Variants in C1QTNF1 observed in about 807,000 individuals in gnomAD.
C1QTNF1 encodes complement C1q tumor necrosis factor-related protein 1.
In C1QTNF1, 22 loss-of-function variants were observed where a neutral mutation model predicts 27.8. That is an observed-to-expected ratio of 0.79 (90% CI 0.56 to 1.13). The LOEUF (loss-of-function observed/expected upper bound fraction) is 1.13, where lower values mean the gene tolerates loss of function less well. Ranked by LOEUF, C1QTNF1 falls within the 50% of genes most tolerant of loss-of-function variation. The pLI is 0.00. For synonymous variants in C1QTNF1, 166 were observed against 154.3 expected, an observed-to-expected ratio of 1.08 and a Z score of -0.56; for missense variants, 373 against 380.2, an observed-to-expected ratio of 0.98 and a Z score of 0.16.
intron 2 of C1QTNF1, 77 bp downstream of exon 2, chr17:79,044,200 G>T: frequency 7.0e-7 from 1 of 1,434,032 alleles, no homozygotes; most frequent in South Asian, 1.4e-5. Context: ...GCCCCTGGGG[G>T]AGCTAGTTCA....
rs778107626 is a variant in C1QTNF1 at position 79,043,960 on chromosome 17, G to A, written c.-9G>A. 11 of 1,613,808 alleles carry A rather than the reference G, an allele frequency of 6.8e-6. No individual in the cohort carries two copies. The highest frequency in any genetic ancestry group is 4.0e-5 in the African/African-American group (3 of 74,912). On this transcript the variant is annotated 5_prime_UTR_variant, in exon 2 of 4. Coordinates refer to ENST00000579760, the MANE Select transcript of C1QTNF1 (RefSeq NM_030968.5). ...GTGTGTTTCTTTCCCACCAGGGCCC[G>A]GCAGGAAGATGGGCTCCCGTGGACA...
chr17:79,042,461 G>A (rs920176064), intron 1 of C1QTNF1, among the ~76,000 whole-genome samples: 1 of 152,258 alleles, frequency 6.6e-6, no homozygotes. Context: ...CGTGGGGTTG[G>A]CTTCCTGGAA....
chr17:79,046,968 A>T lies in C1QTNF1; in HGVS notation c.295+274A>T. 2.1e-6 allele frequency: 1 copy of T among 473,878 alleles called. No homozygotes were observed. 29.4% of individuals were successfully genotyped at this position (473,878 alleles called of 1,614,324 possible). On this transcript the variant is annotated intron_variant, in intron 3 of 3. Transcript: ENST00000579760. This position sits in a 1 kb window ranked among gnomAD's most constrained non-coding sequence, Gnocchi z 4.8. ...AGGCTACTCGGGGTCTCGTCCCTCCAGTTGTATGTGGACGCCAGGCTTCTA... is the reference window on the plus strand; with the variant it reads ...AGGCTACTCGGGGTCTCGTCCCTCCTGTTGTATGTGGACGCCAGGCTTCTA...
upstream of C1QTNF1, among the ~76,000 whole-genome samples, chr17:79,023,428 AG>A (rs1168217263): frequency 6.6e-6 from 1 of 152,200 alleles, no homozygotes; most frequent in Non-Finnish European, 1.5e-5. Flanking sequence ...AGCCTGGATC[AG>A]GGATCAGGAT....
At chr17:79,047,496 G>C in intron 3 of C1QTNF1, 42 bp from the exon 4 acceptor site, 1 of 1,506,794 alleles carries the variant, frequency 6.6e-7, no homozygotes, top group South Asian at 1.3e-5. Context: ...GGACACTACC[G>C]GATTGCTCCA....
At chr17:79,027,843 C>G (rs531050864) in intron 1 of C1QTNF1, among the ~76,000 whole-genome samples, 1 of 152,338 alleles carries the variant, frequency 6.6e-6, no homozygotes, top group East Asian at 1.9e-4. Flanking sequence ...CAGAGCTGGG[C>G]TTGGCATCTG....
chr17:79,023,641 A>G (rs1010001992), upstream of C1QTNF1, among the ~76,000 whole-genome samples: 1 of 152,176 alleles, frequency 6.6e-6, no homozygotes, highest in African/African-American at 2.4e-5. Context: ...TTTAGATCAC[A>G]GAGCTCTCAA....
At chr17:79,044,287 G>T (rs2072508971) in intron 2 of C1QTNF1, among the ~76,000 whole-genome samples, 164 bp downstream of exon 2, 1 of 152,166 alleles carries the variant, frequency 6.6e-6, no homozygotes, top group African/African-American at 2.4e-5. Context: ...ACAGACGAGC[G>T]ATTCCTCCTT....
intron 1 of C1QTNF1, among the ~76,000 whole-genome samples, chr17:79,039,365 G>A (rs533800379): frequency 7.8e-4 from 119 of 152,206 alleles, no homozygotes; most frequent in African/African-American, 2.8e-3. Flanking sequence ...ATGGTGCCAG[G>A]GTTGGCTGGC....
At chr17:79,039,816 AATATGTAT>A (rs2072356010) in intron 1 of C1QTNF1, among the ~76,000 whole-genome samples, 1 of 147,272 alleles carries the variant, frequency 6.8e-6, no homozygotes, top group African/African-American at 2.7e-5. Flanking sequence ...TATATATGTA[AATATGTAT>A]ATATGTATAT....
intron 1 of C1QTNF1, 100 bp from the exon 2 acceptor site, chr17:79,043,855 C>A: frequency 7.4e-7 from 1 of 1,352,448 alleles, no homozygotes; most frequent in Non-Finnish European, 1.0e-6. Context: ...GGGGAAGCAC[C>A]TCCGATTTCC....
At chr17:79,035,412 G>A (rs115591396) in intron 1 of C1QTNF1, among the ~76,000 whole-genome samples, 3 of 150,436 alleles carry the variant, frequency 2.0e-5, no homozygotes, top group African/African-American at 7.4e-5. Flanking sequence ...AACCAGGAGT[G>A]TTTGAGTTCT....
intron 1 of C1QTNF1, among the ~76,000 whole-genome samples, chr17:79,037,473 AG>A (rs980848228): frequency 4.6e-5 from 7 of 151,874 alleles, no homozygotes; most frequent in African/African-American, 1.5e-4. Flanking sequence ...CATGTTGGCC[AG>A]GCTGGTCTCG....
Position 79,048,288 on chromosome 17 carries a change from G to T in C1QTNF1, c.*200G>T, listed in dbSNP as rs569334626. 2.2e-4 allele frequency: 135 copies of T among 607,634 alleles called. No individual in the cohort carries two copies. The African/African-American group carries it at 2.3e-3, about 10-fold the overall frequency. The allele number at this position is 607,634 out of a possible 1,614,324, so 37.6% of individuals were successfully genotyped here. ...GAGCTGACGGCAGATGAAATCACCA[G>T]GGCGGGGCACCCGCGAGAACCCTCT... On this transcript the variant is annotated 3_prime_UTR_variant, in exon 4 of 4. Transcript: ENST00000579760.
chr17:79,041,501 T>G (rs57386005), intron 1 of C1QTNF1, among the ~76,000 whole-genome samples: 28,512 of 152,074 alleles, frequency 0.19, 3,690 homozygotes, highest in African/African-American at 0.37. Flanking sequence ...ACTAAAGTCC[T>G]GGGCCGTGGC....
At position 79,043,013 on chromosome 17, in the gene C1QTNF1, G is replaced by A. The variant is rs540046548; in HGVS notation, c.-14-942G>A. ...GTGTGGATTGCATGTATGCGAATGT[G>A]CATGTGTGTGGATTGCATGTATATG... On this transcript the variant is annotated intron_variant, in intron 1 of 3. Coordinates refer to ENST00000579760, the MANE Select transcript of C1QTNF1 (RefSeq NM_030968.5). 3.0e-3 allele frequency among the ~76,000 whole-genome samples: 459 copies of A among 152,136 alleles called. 1 individual carries two copies. The highest frequency in any genetic ancestry group is 5.8e-3 in the Non-Finnish European group (394 of 67,984).
At chr17:79,031,799 A>G (rs1599284958) in intron 1 of C1QTNF1, among the ~76,000 whole-genome samples, 1 of 152,218 alleles carries the variant, frequency 6.6e-6, no homozygotes, top group Non-Finnish European at 1.5e-5. Flanking sequence ...ACCTTGGTGA[A>G]TGGAGGCAGT....
rs959737878 is a variant in C1QTNF1 at position 79,046,305 on chromosome 17, G to A, written c.156-250G>A. Among the ~76,000 whole-genome samples, 8 of 152,286 alleles carry A rather than the reference G, an allele frequency of 5.3e-5. No homozygotes were observed. Among genetic ancestry groups the A allele is most frequent in the South Asian group, 2.1e-4 (1 of 4,822 alleles). On this transcript the variant is annotated intron_variant, in intron 2 of 3. Transcript: ENST00000579760. The surrounding 1 kb of genome is among the most constrained non-coding windows in gnomAD (Gnocchi z 4.8). ...TTCTCCCGAGCAGCCCCCATCTTGC[G>A]TGGCACTCAATTGATCGCTGCGTGT...
intron 3 of C1QTNF1, chr17:79,047,058 C>T: frequency 1.0e-5 from 3 of 295,878 alleles, no homozygotes; most frequent in Non-Finnish European, 1.9e-5. Context: ...TCGCTCCGGT[C>T]CTGCACACGG....
Sources: allele counts gnomAD v4.1 joint callset (sites outside exome capture counted in the v4.1 genomes callset), GRCh38; gene constraint gnomAD v4.1.1; non-coding constraint Gnocchi (gnomAD v3.1); transcripts MANE v1.5; gene names NCBI Gene and HGNC (gene_info 2026-07-23, HGNC 2026-07-21).